Variants in CRTC2 observed in about 807,000 individuals in gnomAD.
CRTC2 encodes CREB-regulated transcription coactivator 2.
CRTC2 carries 25 observed loss-of-function variants against 70.9 expected under a neutral mutation model. The observed-to-expected ratio is 0.35, with a 90% CI of 0.26 to 0.49. The LOEUF (loss-of-function observed/expected upper bound fraction) is 0.49. Among genes scored for constraint, CRTC2 ranks in the 20% least tolerant of loss-of-function variants. The pLI, the probability that CRTC2 is intolerant of heterozygous loss-of-function variation, is 0.98. For synonymous variants in CRTC2, 330 were observed against 364.1 expected (o/e 0.91, Z 1.07); for missense variants, 737 against 882.6 (o/e 0.83, Z 2.09).
chr1:153,949,449 G>GCTTCCCACCTT, intron 11 of CRTC2, 65 bp from the exon 12 acceptor site: 1 of 1,478,800 alleles, frequency 6.8e-7, no homozygotes, highest in Non-Finnish European at 9.1e-7. Context: ...CTCAGTCAGA[G>GCTTCCCACCTT]CTTCCCACCT....
chr1:153,955,208 A>T, intron 1 of CRTC2, 42 bp from the exon 2 acceptor site: 2 of 1,457,298 alleles, frequency 1.4e-6, no homozygotes, highest in Non-Finnish European at 1.9e-6. Flanking sequence ...GAGGGTCCTG[A>T]GCACTATTTC....
chr1:153,948,521 A>T lies in CRTC2; in HGVS notation c.1798T>A (p.Phe600Ile), dbSNP rs773706354. 5.0e-6 allele frequency: 8 copies of T among 1,612,198 alleles called. No homozygotes were observed. Among genetic ancestry groups the T allele is most frequent in the Non-Finnish European group, 5.9e-6 (7 of 1,178,964 alleles). The change falls in exon 13 of 14, where the codon TTC (phenylalanine) becomes ATC (isoleucine). Residue 600 changes from phenylalanine (F) to isoleucine (I), a missense_variant. Around this residue, in one of 3 missense-constraint regions of CRTC2, gnomAD observed 699 missense variants for 823.7 expected, o/e 0.85. Coordinates refer to ENST00000368633, the MANE Select transcript of CRTC2 (RefSeq NM_181715.3). ...PMGGPQDPHT[F>I]NHQNLTHCSR... ...CAGTGGGTCAAGTTCTGGTGGTTGA[A>T]GGTGTGGGGATCCTGGGGGCCACCC...
rs1290683349 is a variant in CRTC2, at chr1:153,951,289, T to C, written c.1375A>G (p.Met459Val). 12 of 1,613,730 alleles carry C rather than the reference T, an allele frequency of 7.4e-6. No individual in the cohort carries two copies. Among genetic ancestry groups the C allele is most frequent in the Middle Eastern group, 1.6e-4 (1 of 6,084 alleles). ...QQLPKQFSPT[M>V]SPTLSSITQG... Reference sequence around the variant, plus strand: ...GTGATGGAAGACAAGGTGGGTGACATTGTTGGCGAAAACTGTTTGGGCAGC... The same window carrying C: ...GTGATGGAAGACAAGGTGGGTGACACTGTTGGCGAAAACTGTTTGGGCAGC... Residue 459 changes from methionine to valine, a missense_variant, in exon 11 of 14, where the codon ATG becomes GTG. Coordinates refer to ENST00000368633, the MANE Select transcript of CRTC2 (RefSeq NM_181715.3).
Position 153,947,784 on chromosome 1 carries a change from C to T in CRTC2, c.*325G>A. 1 of 365,350 alleles carries T rather than the reference C, an allele frequency of 2.7e-6. No homozygotes were observed. Among genetic ancestry groups the T allele is most frequent in the South Asian group, 2.9e-5 (1 of 34,468 alleles). 22.6% of individuals were successfully genotyped at this position (365,350 alleles called of 1,614,324 possible). A position where few individuals can be genotyped will look rare whatever the true frequency, so the allele number is the denominator to read the frequency against. On this transcript the variant is annotated 3_prime_UTR_variant, in exon 14 of 14. Coordinates refer to ENST00000368633, the MANE Select transcript of CRTC2 (RefSeq NM_181715.3). ...GAAGAGTGGTGAGGAGGGGCTGGCA[C>T]TGCCCACCCCTAGGCATCCGGAAAA...
chr1:153,952,678 C>T, intron 7 of CRTC2, 43 bp from the exon 8 acceptor site: 1 of 1,611,502 alleles, frequency 6.2e-7, no homozygotes, highest in Non-Finnish European at 8.5e-7. Context: ...GGAGAAAGAG[C>T]CAGTAAGGCA....
chr1:153,953,896 GA>G (rs1189277393), intron 4 of CRTC2, among the ~76,000 whole-genome samples: 13 of 152,154 alleles, frequency 8.5e-5, no homozygotes, highest in Admixed American at 5.9e-4. Flanking sequence ...GAGAGTTTAA[GA>G]AATCTAAAAG....
At chr1:153,952,287 G>A (rs1444779391) in intron 9 of CRTC2, 25 bp from the exon 10 acceptor site, 2 of 1,597,036 alleles carry the variant, frequency 1.3e-6, no homozygotes, top group Non-Finnish European at 1.7e-6. Flanking sequence ...GAAAAAGAAA[G>A]ATGTAAATAG....
At chr1:153,948,350 T>C (rs1680129949) in intron 13 of CRTC2, 21 bp from the exon 14 acceptor site, 2 of 1,613,696 alleles carry the variant, frequency 1.2e-6, no homozygotes, top group Admixed American at 3.3e-5. Context: ...AAGAGACAGG[T>C]GAGGACCCCA....
chr1:153,948,806 G>C (rs894887657), intron 12 of CRTC2, 162 bp from the exon 13 acceptor site: 15 of 841,944 alleles, frequency 1.8e-5, no homozygotes, highest in Non-Finnish European at 2.7e-5. Flanking sequence ...AGCGAGCACG[G>C]GGCCCGAAGT....
At chr1:153,951,041 G>A (rs940035842) in intron 11 of CRTC2, among the ~76,000 whole-genome samples, 2 of 152,232 alleles carry the variant, frequency 1.3e-5, no homozygotes, top group Non-Finnish European at 2.9e-5. Flanking sequence ...AAGAGGTGGA[G>A]CCAGGGTTTG....
intron 9 of CRTC2, 60 bp downstream of exon 9, chr1:153,952,336 TC>T: frequency 6.2e-7 from 1 of 1,606,398 alleles, no homozygotes; most frequent in South Asian, 1.1e-5. Context: ...CAGAGATCAG[TC>T]TCCTACATCT....
At chr1:153,951,734 G>T in intron 10 of CRTC2, 68 bp from the exon 11 acceptor site, 6 of 1,518,768 alleles carry the variant, frequency 4.0e-6, no homozygotes, top group Non-Finnish European at 5.4e-6. Flanking sequence ...TTTCCACCCA[G>T]AATGGGTGGC....
chr1:153,957,904 G>A (rs1261370265), intron 1 of CRTC2, among the ~76,000 whole-genome samples: 1 of 152,166 alleles, frequency 6.6e-6, no homozygotes, highest in African/African-American at 2.4e-5. Context: ...GGGCACCAAA[G>A]CGCAGAAGGC....
In CRTC2 at chr1:153,951,529, G is replaced by T. The variant is rs150423770; in HGVS notation, c.1135C>A (p.Arg379Ser). Residue 379 changes from arginine (R) to serine (S), a missense_variant, in exon 11 of 14, where the codon CGC becomes AGC. Arg to Ser is a moderately radical substitution (Grantham distance 110). Around this residue, in one of 3 missense-constraint regions of CRTC2, gnomAD observed 699 missense variants for 823.7 expected, o/e 0.85. Coordinates refer to ENST00000368633, the MANE Select transcript of CRTC2 (RefSeq NM_181715.3). ...HPSLPASSLA[R>S]HVLPTTSLGH... ...AGGGAGGTGGTGGGCAGTACATGGCGGGCCAAGGAGGAGGCAGGCAGAGAG... is the reference window on the plus strand; with the variant it reads ...AGGGAGGTGGTGGGCAGTACATGGCTGGCCAAGGAGGAGGCAGGCAGAGAG... 2 of 1,605,732 alleles carry T rather than the reference G, an allele frequency of 1.2e-6. No individual in the cohort carries two copies. Among genetic ancestry groups the T allele is most frequent in the African/African-American group, 2.7e-5 (2 of 74,758 alleles).
At chr1:153,949,855 A>T (rs1385770500) in intron 11 of CRTC2, among the ~76,000 whole-genome samples, 1 of 151,996 alleles carries the variant, frequency 6.6e-6, no homozygotes, top group East Asian at 1.9e-4. Flanking sequence ...GTCTCCAAAA[A>T]AAAAAAAGTG....
chr1:153,948,721 T>C (rs1680158849), intron 12 of CRTC2, 77 bp from the exon 13 acceptor site: 1 of 1,505,460 alleles, frequency 6.6e-7, no homozygotes, highest in Admixed American at 1.7e-5. Context: ...ACATATCCCC[T>C]TTGCCCAGCA....
At chr1:153,957,622 C>A (rs1680692984) in intron 1 of CRTC2, among the ~76,000 whole-genome samples, 1 of 152,088 alleles carries the variant, frequency 6.6e-6, no homozygotes, top group South Asian at 2.1e-4. Flanking sequence ...CACTAACCCA[C>A]AAAGCAGCCA....
intron 11 of CRTC2, among the ~76,000 whole-genome samples, chr1:153,950,735 C>T (rs1680273962): frequency 6.6e-6 from 1 of 152,008 alleles, no homozygotes; most frequent in Non-Finnish European, 1.5e-5. Context: ...GAATTGGGCT[C>T]CACAGTAGGA....
intron 11 of CRTC2, 128 bp downstream of exon 11, chr1:153,951,132 C>A: frequency 4.0e-6 from 4 of 1,012,276 alleles, no homozygotes; most frequent in Admixed American, 4.5e-5. Context: ...ATGGGGCAGG[C>A]GGAGGACAGA....
Sources: allele counts gnomAD v4.1 joint callset (sites outside exome capture counted in the v4.1 genomes callset), GRCh38; gene constraint gnomAD v4.1.1; regional missense constraint gnomAD v4.1.1; transcripts MANE v1.5; gene names NCBI Gene and HGNC (gene_info 2026-07-23, HGNC 2026-07-21).